CADM2: variants seen among roughly 807,000 people sequenced by gnomAD.
The protein encoded by CADM2 is cell adhesion molecule 2.
A neutral mutation model predicts 49.8 loss-of-function variants in CADM2; 12 were observed. The ratio of observed to expected loss-of-function variants is 0.24; its 90% CI spans 0.15 to 0.39. The LOEUF (loss-of-function observed/expected upper bound fraction) is 0.39, where lower values mean the gene tolerates loss of function less well. Among genes scored for constraint, CADM2 ranks in the 10% least tolerant of loss-of-function variants. CADM2 has a pLI of 1.00. For missense variants in CADM2, 378 were observed against 492.3 expected (o/e 0.77, Z 2.20); for synonymous variants, 214 against 175.4 (o/e 1.22, Z -1.74).
chr3:85,289,227 A>C (rs1203616961), intron 1 of CADM2, among the ~76,000 whole-genome samples: 2 of 152,212 alleles, frequency 1.3e-5, no homozygotes, highest in African/African-American at 4.8e-5. Flanking sequence ...CATTCAAATT[A>C]TAACATTCTG....
intron 3 of CADM2, among the ~76,000 whole-genome samples, chr3:85,815,305 C>T (rs1260761058): frequency 6.6e-6 from 1 of 152,050 alleles, no homozygotes; most frequent in Non-Finnish European, 1.5e-5. Flanking sequence ...AGGAAAATTT[C>T]AGGCCAATAT....
At chr3:85,519,424 C>T (rs577798301) in intron 1 of CADM2, among the ~76,000 whole-genome samples, 2 of 152,040 alleles carry the variant, frequency 1.3e-5, no homozygotes, top group African/African-American at 2.4e-5. Flanking sequence ...TCAATTATAT[C>T]GTTATAGCAA....
intron 1 of CADM2, among the ~76,000 whole-genome samples, chr3:85,550,939 A>C (rs1477278264): frequency 6.6e-6 from 1 of 151,502 alleles, no homozygotes; most frequent in East Asian, 1.9e-4. Context: ...ACTGAACTCC[A>C]GTTCAGTCAT....
At chr3:85,938,176 TCTCTTTA>T (rs1721411159) in intron 7 of CADM2, among the ~76,000 whole-genome samples, 1 of 152,092 alleles carries the variant, frequency 6.6e-6, no homozygotes, top group Non-Finnish European at 1.5e-5. Flanking sequence ...AAGGCATTAA[TCTCTTTA>T]AAAACAGTCT....
At chr3:85,579,175 TGA>T (rs1321040164) in intron 1 of CADM2, among the ~76,000 whole-genome samples, 1 of 152,196 alleles carries the variant, frequency 6.6e-6, no homozygotes, top group African/African-American at 2.4e-5. Context: ...CAAATAAATT[TGA>T]GTCATGAACT....
intron 5 of CADM2, among the ~76,000 whole-genome samples, chr3:85,902,859 A>T (rs950742056): frequency 1.3e-4 from 19 of 151,764 alleles, no homozygotes; most frequent in Admixed American, 7.9e-4. Context: ...CCATTTTTGT[A>T]GTATTGTTGT....
At chr3:85,371,152 T>A (rs562144722) in intron 1 of CADM2, among the ~76,000 whole-genome samples, 186 of 152,004 alleles carry the variant, frequency 1.2e-3, no homozygotes, top group Non-Finnish European at 1.5e-3. Context: ...AGATAGAAAA[T>A]TTTTTATATA....
chr3:85,240,525 G>A (rs1208294965), intron 1 of CADM2, among the ~76,000 whole-genome samples: 1 of 151,384 alleles, frequency 6.6e-6, no homozygotes, highest in African/African-American at 2.4e-5. Flanking sequence ...TATTTTGGAG[G>A]TGATTAACAT....
At position 84,960,145 on chromosome 3, in the gene CADM2, C is replaced by G. The variant is rs187723196; in HGVS notation, c.61+477C>G. The G allele has an allele frequency of 2.1e-4, 36 of 169,596 alleles. No individual in the cohort carries two copies. In the East Asian group the frequency reaches 4.9e-3, roughly 23 times the overall value. 10.5% of individuals were successfully genotyped at this position (169,596 alleles called of 1,614,324 possible). On this transcript the variant is annotated intron_variant, in intron 1 of 9. Coordinates refer to ENST00000383699, the MANE Select transcript of CADM2 (RefSeq NM_001167675.2). Reference sequence around the variant, plus strand: ...TCCCACCATCATCATATCCGTGTGTCTTTAAAAAGTGTGTGAGAGCCTGGG... The same window carrying G: ...TCCCACCATCATCATATCCGTGTGTGTTTAAAAAGTGTGTGAGAGCCTGGG...
At chr3:85,014,160 T>C (rs556065288) in intron 1 of CADM2, among the ~76,000 whole-genome samples, 1 of 147,370 alleles carries the variant, frequency 6.8e-6, no homozygotes, top group African/African-American at 2.5e-5. Flanking sequence ...TATTGTATAT[T>C]ATATATACGC....
intron 1 of CADM2, among the ~76,000 whole-genome samples, chr3:85,081,820 G>A (rs1251369976): frequency 6.6e-6 from 1 of 152,130 alleles, no homozygotes; most frequent in Non-Finnish European, 1.5e-5. Context: ...ATGCATATCT[G>A]TCTTGGTATA....
intron 1 of CADM2, among the ~76,000 whole-genome samples, chr3:85,045,296 T>G (rs2035610246): frequency 6.6e-6 from 1 of 152,182 alleles, no homozygotes; most frequent in Non-Finnish European, 1.5e-5. Flanking sequence ...CAATTCTGTG[T>G]TATGTATGAG....
At chr3:85,241,777 C>A (rs1349658397) in intron 1 of CADM2, among the ~76,000 whole-genome samples, 1 of 151,384 alleles carries the variant, frequency 6.6e-6, no homozygotes, top group Non-Finnish European at 1.5e-5. Flanking sequence ...CAAAGAATAG[C>A]CTCATCTCTT....
At chr3:85,522,090 A>C (rs893163832) in intron 1 of CADM2, among the ~76,000 whole-genome samples, 1 of 152,008 alleles carries the variant, frequency 6.6e-6, no homozygotes, top group Non-Finnish European at 1.5e-5. Context: ...AGTCTTAGCT[A>C]TTTCATCCCA....
At chr3:85,400,705 A>C (rs576549462) in intron 1 of CADM2, among the ~76,000 whole-genome samples, 188 of 37,660 alleles carry the variant, frequency 5.0e-3, no homozygotes, top group Admixed American at 0.02. Flanking sequence ...GGAATGTATC[A>C]GTTTCTTCTA....
intron 1 of CADM2, among the ~76,000 whole-genome samples, chr3:85,413,157 A>AAT (rs2035746041): frequency 1.4e-5 from 2 of 143,982 alleles, no homozygotes; most frequent in Admixed American, 7.0e-5. Flanking sequence ...AAAAAAAAAA[A>AAT]AAAAAATAAT....
intron 1 of CADM2, among the ~76,000 whole-genome samples, chr3:85,060,598 G>A (rs2036268989): frequency 6.6e-6 from 1 of 152,022 alleles, no homozygotes; most frequent in African/African-American, 2.4e-5. Flanking sequence ...AATTGAAAAT[G>A]TTTATTATTC....
At chr3:85,982,691 CGTT>C (rs762681788) in intron 8 of CADM2, among the ~76,000 whole-genome samples, 34 of 151,592 alleles carry the variant, frequency 2.2e-4, no homozygotes, top group Non-Finnish European at 4.6e-4. Flanking sequence ...AATTATGTGA[CGTT>C]GTTTCTTTGT....
At chr3:85,115,210 T>A (rs2038599409) in intron 1 of CADM2, among the ~76,000 whole-genome samples, 1 of 152,160 alleles carries the variant, frequency 6.6e-6, no homozygotes. Flanking sequence ...CTACCTTAAC[T>A]TATTCCTGGA....
Sources: gnomAD v4.1 joint callset for allele counts (sites outside exome capture counted in the v4.1 genomes callset) on GRCh38, gnomAD v4.1.1 for gene constraint, MANE v1.5 for transcripts, NCBI Gene and HGNC (gene_info 2026-07-23, HGNC 2026-07-21) for gene names.